The following DIP2C variants were observed in gnomAD, a reference collection of about 807,000 sequenced individuals.
The protein encoded by DIP2C is disco-interacting protein 2 homolog C.
Under a neutral mutation model 192.4 loss-of-function variants are expected in DIP2C, and 33 were observed. That is an observed-to-expected ratio of 0.17 (90% confidence interval 0.13 to 0.23). The LOEUF (loss-of-function observed/expected upper bound fraction) is 0.23, where lower values mean the gene tolerates loss of function less well. Among genes scored for constraint, DIP2C ranks in the 10% least tolerant of loss-of-function variants. The pLI is 1.00. For missense variants in DIP2C, 1,537 were observed against 2,110.1 expected (o/e 0.73, Z 5.32); for synonymous variants, 979 against 864.1 (o/e 1.13, Z -2.33).
At chr10:643,884 G>A (rs1343644827) in intron 1 of DIP2C, among the ~76,000 whole-genome samples, 2 of 152,248 alleles carry the variant, frequency 1.3e-5, no homozygotes, top group African/African-American at 2.4e-5. Context: ...GAACTTCACA[G>A]ACGTATGAGG....
At position 312,167 on chromosome 10, in the gene DIP2C, G is replaced by A. The variant is rs149867480; in HGVS notation, c.3925-2075C>T. On this transcript the variant is annotated intron_variant, in intron 31 of 36. Coordinates refer to ENST00000280886, the MANE Select transcript of DIP2C (RefSeq NM_014974.3). ...AGGAGGAGTTTCCACCCCAGCAAAT[G>A]TGCTCTGTTGCTGTTCCCCAAACAG... Among the ~76,000 whole-genome samples the A allele has an allele frequency of 4.0e-4, 61 of 152,268 alleles. 1 individual carries two copies. The highest frequency in any genetic ancestry group is 1.3e-3 in the African/African-American group (56 of 41,556).
intron 1 of DIP2C, among the ~76,000 whole-genome samples, chr10:519,179 A>G (rs4881392): frequency 0.04 from 6,155 of 152,214 alleles, 192 homozygotes; most frequent in Non-Finnish European, 0.062. Flanking sequence ...GCTGGCACCA[A>G]CGATCTCCTG....
intron 31 of DIP2C, among the ~76,000 whole-genome samples, chr10:311,986 A>G (rs1003920636): frequency 1.3e-5 from 2 of 152,132 alleles, no homozygotes; most frequent in Non-Finnish European, 2.9e-5. Flanking sequence ...CAAGGTTCTG[A>G]TTCCAGGAAC....
At chr10:614,942 C>T (rs1355037008) in intron 1 of DIP2C, among the ~76,000 whole-genome samples, 1 of 152,196 alleles carries the variant, frequency 6.6e-6, no homozygotes, top group Admixed American at 6.5e-5. Flanking sequence ...ATCACAGTTG[C>T]CTCAGCCAAG....
chr10:420,095 CAACAG>C (rs1364414837), intron 5 of DIP2C, among the ~76,000 whole-genome samples: 1 of 152,248 alleles, frequency 6.6e-6, no homozygotes, highest in Non-Finnish European at 1.5e-5. Flanking sequence ...CTGTCCCACG[CAACAG>C]AAGGGCGGTA....
chr10:531,091 G>A (rs898832768), intron 1 of DIP2C, among the ~76,000 whole-genome samples: 4 of 152,152 alleles, frequency 2.6e-5, no homozygotes, highest in Admixed American at 6.6e-5. Context: ...AAACGTCTGC[G>A]CCCAACAGCT....
chr10:600,516 G>A (rs1006159451), intron 1 of DIP2C, among the ~76,000 whole-genome samples: 2 of 142,108 alleles, frequency 1.4e-5, no homozygotes, highest in African/African-American at 2.6e-5. Context: ...GCTCCGGAGC[G>A]ACCCCACAAG....
rs1404887076 is a variant in DIP2C at position 275,259 on chromosome 10, A to C, written c.*2066T>G. ...GAAGCCCCAAACCTACCTCCCTTTC[A>C]ACAAGGTGGGTGGGTGTAGGAAAAT... On this transcript the variant is annotated 3_prime_UTR_variant, in exon 37 of 37. Transcript: ENST00000280886. The C allele has an allele frequency of 1.3e-5, 2 of 152,170 alleles. No individual in the cohort carries two copies. The highest frequency in any genetic ancestry group is 2.9e-5 in the Non-Finnish European group (2 of 68,040). The allele number at this position is 152,170 out of a possible 1,614,324, so 9.4% of individuals were successfully genotyped here. A position where few individuals can be genotyped will look rare whatever the true frequency, so the allele number is the denominator to read the frequency against.
intron 30 of DIP2C, among the ~76,000 whole-genome samples, chr10:327,536 C>T (rs1323070866): frequency 6.6e-6 from 1 of 152,082 alleles, no homozygotes; most frequent in Non-Finnish European, 1.5e-5. Flanking sequence ...CATGGATGTA[C>T]CAGAACACAC....
At position 364,540 on chromosome 10, in the gene DIP2C, G is replaced by A. The variant is rs1959948981; in HGVS notation, c.2311C>T (p.Pro771Ser). 1 of 1,614,036 alleles carries A rather than the reference G, an allele frequency of 6.2e-7. No homozygotes were observed. The highest frequency in any genetic ancestry group is 1.3e-5 in the African/African-American group (1 of 74,900). The change falls in exon 20 of 37, where the codon CCA becomes TCA. Residue 771 changes from proline to serine, a missense_variant. Transcript: ENST00000280886. ...CCCAGCAAGCCTGTCCTTATGAATG[G>A]GTATTCACTGATCGGAGCCCCGGAG... is the stretch of plus-strand genomic sequence containing the variant. ...TSSGAPISEY[P>S]FIRTGLLGFV...
At chr10:520,307 G>C (rs1391191585) in intron 1 of DIP2C, among the ~76,000 whole-genome samples, 1 of 152,312 alleles carries the variant, frequency 6.6e-6, no homozygotes, top group East Asian at 1.9e-4. Flanking sequence ...AGTCACATCA[G>C]AGCCGACAGC....
At chr10:624,440 C>G (rs1854070199) in intron 1 of DIP2C, among the ~76,000 whole-genome samples, 1 of 152,230 alleles carries the variant, frequency 6.6e-6, no homozygotes, top group African/African-American at 2.4e-5. Flanking sequence ...AGCGCCCGCT[C>G]AGCTCCACAT....
At chr10:366,484 G>A (rs1385386056) in intron 18 of DIP2C, 73 bp from the exon 19 acceptor site, 18 of 1,598,334 alleles carry the variant, frequency 1.1e-5, no homozygotes, top group East Asian at 6.7e-5. Flanking sequence ...CAGGGAAGAC[G>A]CGAATATGAA....
intron 32 of DIP2C, among the ~76,000 whole-genome samples, chr10:309,165 G>A (rs1275395287): frequency 6.6e-6 from 1 of 152,256 alleles, no homozygotes; most frequent in Non-Finnish European, 1.5e-5. Flanking sequence ...TAAAAATGAC[G>A]CCTTCTTTCC....
intron 3 of DIP2C, among the ~76,000 whole-genome samples, chr10:450,954 C>G (rs1968795847): frequency 6.6e-6 from 1 of 152,116 alleles, no homozygotes; most frequent in African/African-American, 2.4e-5. Flanking sequence ...TGTATATGTC[C>G]ATATGTGTGG....
At chr10:385,240 T>TC (rs1962794722) in intron 14 of DIP2C, among the ~76,000 whole-genome samples, 1 of 151,880 alleles carries the variant, frequency 6.6e-6, no homozygotes, top group African/African-American at 2.4e-5. Context: ...CCCTGGAGGC[T>TC]CCTCAGTGTG....
At chr10:660,051 C>CA (rs1856658254) in intron 1 of DIP2C, among the ~76,000 whole-genome samples, 1 of 152,254 alleles carries the variant, frequency 6.6e-6, no homozygotes, top group Admixed American at 6.5e-5. Context: ...GGTTCCCTCT[C>CA]ATGACAGAAA....
chr10:309,426 G>A (rs567623634), intron 32 of DIP2C, among the ~76,000 whole-genome samples: 94 of 152,184 alleles, frequency 6.2e-4, no homozygotes, highest in Non-Finnish European at 5.1e-4. Flanking sequence ...GACATTCTAC[G>A]ACGGGGGCAA....
chr10:414,016 C>A lies in DIP2C; in HGVS notation c.954G>T (p.Pro318=). The change falls in exon 8 of 37, where the codon CCG becomes CCT. Residue 318 remains proline (P), a synonymous_variant. Transcript: ENST00000280886. ...ACCTCTGCAGTGCGGCCTCCAGCGA[C>A]GGCGGCCAGTTCGTGACCACGCCCA... is the stretch of plus-strand genomic sequence containing the variant. ...EQLGVVTNWP[P]SLEAALQRWG... 6.2e-7 allele frequency: 1 copy of A among 1,614,110 alleles called. No individual in the cohort carries two copies. Among genetic ancestry groups the A allele is most frequent in the Non-Finnish European group, 8.5e-7 (1 of 1,179,996 alleles).
Sources: gnomAD v4.1 joint callset for allele counts (sites outside exome capture counted in the v4.1 genomes callset) on GRCh38, gnomAD v4.1.1 for gene constraint, MANE v1.5 for transcripts, NCBI Gene and HGNC (gene_info 2026-07-23, HGNC 2026-07-21) for gene names.